Variants in POLR2B observed in about 807,000 individuals in gnomAD.
POLR2B encodes RNA polymerase II subunit B.
POLR2B carries 57 observed loss-of-function variants against 144.6 expected under a neutral mutation model. That is an observed-to-expected ratio of 0.39 (90% confidence interval 0.32 to 0.49). The LOEUF is 0.49. POLR2B is among the 20% of genes least tolerant of loss of function. The pLI is 0.83. For synonymous variants in POLR2B, 442 were observed against 469.8 expected (o/e 0.94, Z 0.77); for missense variants, 595 against 1,467.4 (o/e 0.41, Z 9.71).
chr4:56,995,393 T>A lies in POLR2B; in HGVS notation c.719T>A (p.Leu240Gln). 1 of 1,608,040 alleles carries A rather than the reference T, an allele frequency of 6.2e-7. No homozygotes were observed. The highest frequency in any genetic ancestry group is 8.5e-7 in the Non-Finnish European group (1 of 1,175,298). ...ACCAGTACTATATGGGTTAGCATGC[T>A]GGCAAGAGGAGGACAGGTATGGACT... ...RPTSTIWVSM[L>Q]ARGGQGAKKS... Residue 240 changes from leucine (L) to glutamine (Q), a missense_variant, in exon 6 of 25, where the codon CTG becomes CAG. Around this residue, in one of 9 missense-constraint regions of POLR2B, gnomAD observed 251 missense variants for 567.3 expected, o/e 0.44. Coordinates refer to ENST00000314595, the MANE Select transcript of POLR2B (RefSeq NM_000938.3).
chr4:57,001,314 A>G (rs938790698), intron 7 of POLR2B, among the ~76,000 whole-genome samples: 2 of 151,916 alleles, frequency 1.3e-5, no homozygotes, highest in Admixed American at 1.3e-4. Context: ...ACGTGCCACC[A>G]CACCTGGCTA....
In POLR2B at chr4:57,005,578, CTTTCTT is replaced by C. The variant is rs752219959; in HGVS notation, c.1098-18_1098-13del. On this transcript the variant is annotated splice_polypyrimidine_tract_variant and intron_variant, in intron 8 of 24. Coordinates refer to ENST00000314595, the MANE Select transcript of POLR2B (RefSeq NM_000938.3). ...AACTAAGTGTTTTCCCTCTTTCTTTCTTTCTTTTTTTTTTTTTAAAGATACATGGTT... is the reference window on the plus strand; with the variant it reads ...AACTAAGTGTTTTCCCTCTTTCTTTCTTTTTTTTTTTAAAGATACATGGTT... 4.7e-6 allele frequency: 7 copies of C among 1,478,010 alleles called. No individual in the cohort carries two copies. In the African/African-American group the frequency reaches 1.0e-4, roughly 22 times the overall value. 91.6% of individuals were successfully genotyped at this position (1,478,010 alleles called of 1,614,324 possible). A position where few individuals can be genotyped will look rare whatever the true frequency, so the allele number is the denominator to read the frequency against.
intron 3 of POLR2B, 41 bp from the exon 4 acceptor site, chr4:56,994,363 A>G (rs1198951657): frequency 9.5e-7 from 1 of 1,051,716 alleles, no homozygotes. Context: ...TTTTATGGAA[A>G]AAATTATTTA....
chr4:57,020,659 T>C (rs980783161), intron 16 of POLR2B, among the ~76,000 whole-genome samples: 3 of 152,202 alleles, frequency 2.0e-5, no homozygotes, highest in Admixed American at 6.5e-5. Context: ...AATCACTTAC[T>C]ATAAGAATGG....
chr4:56,995,489 A>G, intron 6 of POLR2B, 80 bp downstream of exon 6: 1 of 1,023,866 alleles, frequency 9.8e-7, no homozygotes, highest in South Asian at 2.1e-5. Flanking sequence ...TTCTTTGTCC[A>G]TAGAAGCTTT....
intron 13 of POLR2B, among the ~76,000 whole-genome samples, chr4:57,014,686 A>C (rs775969533): frequency 7.3e-5 from 11 of 150,324 alleles, no homozygotes; most frequent in Non-Finnish European, 1.2e-4. Flanking sequence ...TTGTATTTTT[A>C]GTAGAGATGG....
chr4:57,029,889 AT>A, intron 23 of POLR2B, among the ~76,000 whole-genome samples: 1 of 152,058 alleles, frequency 6.6e-6, no homozygotes. Context: ...TTTTATTTTT[AT>A]TTGTTAAAAA....
intron 1 of POLR2B, among the ~76,000 whole-genome samples, chr4:56,985,696 C>G (rs1722303075): frequency 6.6e-6 from 1 of 152,190 alleles, no homozygotes; most frequent in Admixed American, 6.5e-5. Context: ...GCCACCCCTA[C>G]TTTTTAATGA....
At chr4:56,992,464 C>CAAAAAAAAAAAAAA (rs1209234628) in intron 3 of POLR2B, among the ~76,000 whole-genome samples, 1 of 17,140 alleles carries the variant, frequency 5.8e-5, no homozygotes, top group African/African-American at 2.8e-4. Context: ...GACTCTGTCT[C>CAAAAAAAAAAAAAA]AAAAAAAAAA....
At position 57,017,501 on chromosome 4, in the gene POLR2B, G is replaced by A. The variant is rs1723409172; in HGVS notation, c.2155-59G>A. On this transcript the variant is annotated intron_variant, in intron 15 of 24. Coordinates refer to ENST00000314595, the MANE Select transcript of POLR2B (RefSeq NM_000938.3). The surrounding 1 kb of genome is among the most constrained non-coding windows in gnomAD (Gnocchi z 4.8). ...ATATTTCTTTTGATTTATTGTCAGAGTCTTTTCCATTAGTGATAGTAACTT... is the reference window on the plus strand; with the variant it reads ...ATATTTCTTTTGATTTATTGTCAGAATCTTTTCCATTAGTGATAGTAACTT... 7.5e-7 allele frequency: 1 copy of A among 1,340,322 alleles called. No individual in the cohort carries two copies. Among genetic ancestry groups the A allele is most frequent in the African/African-American group, 1.5e-5 (1 of 68,274 alleles). The allele number at this position is 1,340,322 out of a possible 1,614,324, so 83.0% of individuals were successfully genotyped here. A position where few individuals can be genotyped will look rare whatever the true frequency, so the allele number is the denominator to read the frequency against.
chr4:57,005,583 T>TG lies in POLR2B; in HGVS notation c.1098-17_1098-16insG. 1.5e-6 allele frequency: 1 copy of TG among 683,210 alleles called. No individual in the cohort carries two copies. The highest frequency in any genetic ancestry group is 2.3e-5 in the South Asian group (1 of 42,996). The allele number at this position is 683,210 out of a possible 1,614,324, so 42.3% of individuals were successfully genotyped here. ...AGTGTTTTCCCTCTTTCTTTCTTTCTTTTTTTTTTTTTAAAGATACATGGT... is the reference window on the plus strand; with the variant it reads ...AGTGTTTTCCCTCTTTCTTTCTTTCTGTTTTTTTTTTTTAAAGATACATGGT... On this transcript the variant is annotated splice_polypyrimidine_tract_variant and intron_variant, in intron 8 of 24. Transcript: ENST00000314595.
rs780948955 is a variant in POLR2B at position 56,994,810 on chromosome 4, T to G, written c.520T>G (p.Leu174Val). 6.2e-7 allele frequency: 1 copy of G among 1,613,534 alleles called. No homozygotes were observed. Among genetic ancestry groups the G allele is most frequent in the East Asian group, 2.2e-5 (1 of 44,854 alleles). ...NGLTDRDLCE[L>V]NECPLDPGGY... ...CTTGACAGATCGTGATCTTTGTGAG[T>G]TAAATGAATGCCCTTTGGATCCTGG... The change falls in exon 5 of 25, where the codon TTA (leucine) becomes GTA (valine). Residue 174 changes from leucine (L) to valine (V), a missense_variant. Physicochemically the swap from Leu to Val is conservative, Grantham distance 32. This residue lies in a region of POLR2B where 251 missense variants were observed against 567.3 expected (regional missense o/e 0.44). Coordinates refer to ENST00000314595, the MANE Select transcript of POLR2B (RefSeq NM_000938.3).
At chr4:56,995,832 A>G (rs895548098) in intron 6 of POLR2B, among the ~76,000 whole-genome samples, 1 of 152,216 alleles carries the variant, frequency 6.6e-6, no homozygotes, top group Admixed American at 6.5e-5. Flanking sequence ...ACAGCAGCAT[A>G]GCAGCTTGCT....
rs1260069794 is a variant in POLR2B at position 57,025,389 on chromosome 4, G to GGGTT, written c.3092_3095dup (p.Phe1032LeufsTer27). 6.2e-7 allele frequency: 1 copy of GGGTT among 1,613,160 alleles called. No individual in the cohort carries two copies. The highest frequency in any genetic ancestry group is 1.7e-5 in the Admixed American group (1 of 59,994). ...GTGTTTGTTGCAGGTCCTGTACAAT[G>GGGTT]GGTTCACTGGTCGAAAAATCACATC... is the stretch of plus-strand genomic sequence containing the variant. On this transcript the variant is annotated frameshift_variant, in exon 23 of 25. Coordinates refer to ENST00000314595, the MANE Select transcript of POLR2B (RefSeq NM_000938.3). LOFTEE classifies it high-confidence loss of function.
chr4:56,981,794 T>C (rs1469690173), intron 1 of POLR2B, among the ~76,000 whole-genome samples: 11 of 152,256 alleles, frequency 7.2e-5, no homozygotes, highest in Non-Finnish European at 1.6e-4. Flanking sequence ...TTGTTTCTAA[T>C]TTTCATCTTT....
intron 13 of POLR2B, among the ~76,000 whole-genome samples, chr4:57,013,987 G>T (rs779480930): frequency 6.6e-6 from 1 of 150,902 alleles, no homozygotes; most frequent in Non-Finnish European, 1.5e-5. Flanking sequence ...CCATAGAGCT[G>T]TATTCTGTTA....
chr4:57,014,971 G>A (rs1182915141), intron 13 of POLR2B, among the ~76,000 whole-genome samples: 1 of 151,910 alleles, frequency 6.6e-6, no homozygotes, highest in Non-Finnish European at 1.5e-5. Flanking sequence ...GTTCAGAATC[G>A]CCACGTTTCA....
chr4:56,996,870 G>C (rs968071490), intron 6 of POLR2B, among the ~76,000 whole-genome samples: 1 of 152,088 alleles, frequency 6.6e-6, no homozygotes, highest in Non-Finnish European at 1.5e-5. Flanking sequence ...TGGATTGCTT[G>C]AGCCCGGGAT....
At chr4:57,005,792 C>A in intron 9 of POLR2B, 73 bp downstream of exon 9, 1 of 1,385,418 alleles carries the variant, frequency 7.2e-7, no homozygotes, top group Non-Finnish European at 1.0e-6. Flanking sequence ...TGCATATGGC[C>A]AGGCTAAACT....
Sources: gnomAD v4.1 joint callset for allele counts (sites outside exome capture counted in the v4.1 genomes callset) on GRCh38, gnomAD v4.1.1 for gene constraint, gnomAD v4.1.1 regional missense constraint, Gnocchi (gnomAD v3.1) non-coding constraint, MANE v1.5 for transcripts, NCBI Gene and HGNC (gene_info 2026-07-23, HGNC 2026-07-21) for gene names.